The following CA8 variants were observed in gnomAD, a reference collection of about 807,000 sequenced individuals.
The protein encoded by CA8 is carbonic anhydrase-related protein.
CA8 carries 22 observed loss-of-function variants against 41.4 expected under a neutral mutation model. The ratio of observed to expected loss-of-function variants is 0.53; its 90% CI spans 0.38 to 0.76. The LOEUF (loss-of-function observed/expected upper bound fraction) is 0.76, where lower values mean the gene tolerates loss of function less well. Ranked by LOEUF, CA8 falls within the 30% of genes least tolerant of loss-of-function variation. The probability of loss-of-function intolerance (pLI) is 0.00; values close to 1 mark genes in which losing one functional copy is unlikely to be tolerated. For synonymous variants in CA8, 121 were observed against 130.6 expected, an observed-to-expected ratio of 0.93 and a Z score of 0.50; for missense variants, 270 against 352.8, an observed-to-expected ratio of 0.77 and a Z score of 1.88.
chr8:60,217,049 A>C (rs1421999305), intron 7 of CA8, among the ~76,000 whole-genome samples: 1 of 152,130 alleles, frequency 6.6e-6, no homozygotes, highest in Non-Finnish European at 1.5e-5. Flanking sequence ...ACACCTGGCT[A>C]ATTTTTGTAT....
intron 3 of CA8, among the ~76,000 whole-genome samples, chr8:60,262,892 G>A (rs1045948719): frequency 6.6e-6 from 1 of 152,200 alleles, no homozygotes; most frequent in Non-Finnish European, 1.5e-5. Flanking sequence ...GCTTAGTGTA[G>A]AGCAGCAGTT....
intron 3 of CA8, among the ~76,000 whole-genome samples, chr8:60,253,374 T>A (rs1808516306): frequency 6.6e-6 from 1 of 152,208 alleles, no homozygotes; most frequent in African/African-American, 2.4e-5. Context: ...TGTACCACGA[T>A]TATTCCAATA....
At chr8:60,193,372 T>C (rs1806190253) in intron 8 of CA8, among the ~76,000 whole-genome samples, 1 of 152,210 alleles carries the variant, frequency 6.6e-6, no homozygotes, top group South Asian at 2.1e-4. Flanking sequence ...CATTCTACTG[T>C]CATTCTGGCA....
intron 8 of CA8, among the ~76,000 whole-genome samples, chr8:60,205,161 C>CT (rs1408163800): frequency 6.6e-6 from 1 of 151,910 alleles, no homozygotes; most frequent in Non-Finnish European, 1.5e-5. Flanking sequence ...GGCTTTGTTT[C>CT]TTTTTTAACG....
intron 3 of CA8, among the ~76,000 whole-genome samples, chr8:60,254,003 C>CG (rs1313787036): frequency 6.6e-6 from 1 of 152,198 alleles, no homozygotes; most frequent in East Asian, 1.9e-4. Flanking sequence ...GTCATACCCT[C>CG]AGCACCAGCC....
intron 6 of CA8, among the ~76,000 whole-genome samples, chr8:60,223,471 T>C (rs573985196): frequency 6.6e-6 from 1 of 152,276 alleles, no homozygotes; most frequent in East Asian, 1.9e-4. Flanking sequence ...ATTTCTTCTT[T>C]TTTTGAGAGC....
chr8:60,278,941 A>G (rs1390560819), intron 2 of CA8, among the ~76,000 whole-genome samples: 1 of 152,200 alleles, frequency 6.6e-6, no homozygotes, highest in Non-Finnish European at 1.5e-5. Flanking sequence ...GTTATTATTC[A>G]CTATGAAATG....
intron 3 of CA8, among the ~76,000 whole-genome samples, chr8:60,261,804 C>T (rs766556524): frequency 5.3e-5 from 8 of 152,154 alleles, no homozygotes; most frequent in South Asian, 2.1e-4. Context: ...CTCCGCCTCC[C>T]GGGTTCACGC....
intron 7 of CA8, among the ~76,000 whole-genome samples, chr8:60,211,113 A>G (rs1806819510): frequency 6.6e-6 from 1 of 152,176 alleles, no homozygotes; most frequent in Non-Finnish European, 1.5e-5. Flanking sequence ...ACCTCTTCAA[A>G]CCTCAGTTTC....
chr8:60,206,270 C>T (rs1029826346), intron 8 of CA8, among the ~76,000 whole-genome samples: 4 of 152,090 alleles, frequency 2.6e-5, no homozygotes, highest in African/African-American at 9.7e-5. Flanking sequence ...AAAAACTACA[C>T]ATTATTCATC....
chr8:60,229,924 T>C (rs147378572), intron 4 of CA8, among the ~76,000 whole-genome samples: 1 of 152,270 alleles, frequency 6.6e-6, no homozygotes, highest in African/African-American at 2.4e-5. Context: ...TTACCAGAAC[T>C]CTCTACTCCT....
chr8:60,264,141 A>G (rs930423003), intron 3 of CA8, among the ~76,000 whole-genome samples: 3 of 152,240 alleles, frequency 2.0e-5, no homozygotes, highest in Non-Finnish European at 4.4e-5. Context: ...TAACCAGACC[A>G]GTCTGGACAT....
chr8:60,227,753 ACC>A (rs1807490741), intron 4 of CA8, among the ~76,000 whole-genome samples: 1 of 152,112 alleles, frequency 6.6e-6, no homozygotes, highest in African/African-American at 2.4e-5. Flanking sequence ...TTTTATAACT[ACC>A]CTTCTATTCT....
chr8:60,276,763 A>T (rs1479312902), intron 2 of CA8, among the ~76,000 whole-genome samples: 2 of 152,192 alleles, frequency 1.3e-5, no homozygotes, highest in African/African-American at 4.8e-5. Flanking sequence ...ACAGATTTTT[A>T]AAATTAATTT....
intron 7 of CA8, 132 bp from the exon 8 acceptor site, chr8:60,209,051 CA>C: frequency 9.6e-7 from 1 of 1,040,758 alleles, no homozygotes. Context: ...AATTAAGCTT[CA>C]AAAAGAAAAA....
At chr8:60,211,776 T>C (rs1806843257) in intron 7 of CA8, among the ~76,000 whole-genome samples, 1 of 152,196 alleles carries the variant, frequency 6.6e-6, no homozygotes, top group African/African-American at 2.4e-5. Flanking sequence ...GGAAAATGTG[T>C]CTTTCTGAAA....
intron 8 of CA8, chr8:60,208,124 AG>A (rs1384986346): frequency 2.0e-5 from 3 of 152,372 alleles, no homozygotes; most frequent in Admixed American, 6.5e-5. Flanking sequence ...TTATTTTGTT[AG>A]TTCCTTAAGA....
chr8:60,247,459 C>T (rs1013447194), intron 3 of CA8, among the ~76,000 whole-genome samples: 1 of 152,140 alleles, frequency 6.6e-6, no homozygotes, highest in African/African-American at 2.4e-5. Context: ...CCTGTATCCA[C>T]GTGTTCTCAT....
At chr8:60,233,979 A>C (rs763405717) in intron 3 of CA8, among the ~76,000 whole-genome samples, 24 of 152,224 alleles carry the variant, frequency 1.6e-4, no homozygotes, top group Non-Finnish European at 3.5e-4. Context: ...ACTTTGTTTC[A>C]AAGAGTAAAG....
Sources: gnomAD v4.1 joint callset for allele counts (sites outside exome capture counted in the v4.1 genomes callset) on GRCh38, gnomAD v4.1.1 for gene constraint, MANE v1.5 for transcripts, NCBI Gene and HGNC (gene_info 2026-07-23, HGNC 2026-07-21) for gene names.